The following SPPL2A variants were observed in gnomAD, a reference collection of about 807,000 sequenced individuals.
The protein encoded by SPPL2A is signal peptide peptidase like 2A.
A neutral mutation model predicts 63.8 loss-of-function variants in SPPL2A; 51 were observed. That is an observed-to-expected ratio of 0.80 (90% CI 0.64 to 1.01). The LOEUF (loss-of-function observed/expected upper bound fraction) is 1.01, where lower values mean the gene tolerates loss of function less well. SPPL2A is among the 50% of genes least tolerant of loss of function. The pLI, the probability that SPPL2A is intolerant of heterozygous loss-of-function variation, is 0.00. For synonymous variants in SPPL2A, 188 were observed against 205.8 expected, an observed-to-expected ratio of 0.91 and a Z score of 0.74; for missense variants, 553 against 622.7, an observed-to-expected ratio of 0.89 and a Z score of 1.19.
At position 50,705,456 on chromosome 15, in the gene SPPL2A, G is replaced by A. The variant is rs956854031; in HGVS notation, c.*2344C>T. ...TTAAATATAAAGCTTGGATGAGGGT[G>A]CAGATAATTTTACAAAACAGCTGTA... On this transcript the variant is annotated 3_prime_UTR_variant, in exon 15 of 15. Coordinates refer to ENST00000261854, the MANE Select transcript of SPPL2A (RefSeq NM_032802.4). 1.3e-5 allele frequency: 2 copies of A among 151,988 alleles called. No individual in the cohort carries two copies. The highest frequency in any genetic ancestry group is 2.4e-5 in the African/African-American group (1 of 41,364). 9.4% of individuals were successfully genotyped at this position (151,988 alleles called of 1,614,324 possible).
rs2062521071 is a variant in SPPL2A at position 50,707,659 on chromosome 15, T to C, written c.*141A>G. 1.7e-6 allele frequency: 1 copy of C among 580,842 alleles called. No individual in the cohort carries two copies. 36.0% of individuals were successfully genotyped at this position (580,842 alleles called of 1,614,324 possible). ...GCGTTTTAGTTATTTATGATGTAAC[T>C]GTCAGTACCAGCTCATAAAAATATA... On this transcript the variant is annotated 3_prime_UTR_variant, in exon 15 of 15. Coordinates refer to ENST00000261854, the MANE Select transcript of SPPL2A (RefSeq NM_032802.4).
In SPPL2A at chr15:50,702,271, T is replaced by C. The variant is rs2062482511; in HGVS notation, c.*5529A>G. Reference sequence around the variant, plus strand: ...CAAAATAAAACAAATTCAAATTTTATTTTAAAATAGAATTTATTGAATACC... The same window carrying C: ...CAAAATAAAACAAATTCAAATTTTACTTTAAAATAGAATTTATTGAATACC... On this transcript the variant is annotated 3_prime_UTR_variant, in exon 15 of 15. Coordinates refer to ENST00000261854, the MANE Select transcript of SPPL2A (RefSeq NM_032802.4). 1 of 152,186 alleles carries C rather than the reference T, an allele frequency of 6.6e-6. No individual in the cohort carries two copies. The highest frequency in any genetic ancestry group is 1.5e-5 in the Non-Finnish European group (1 of 68,030). The allele number at this position is 152,186 out of a possible 1,614,324, so 9.4% of individuals were successfully genotyped here.
intron 14 of SPPL2A, among the ~76,000 whole-genome samples, chr15:50,715,234 G>C (rs1381831797): frequency 6.6e-6 from 1 of 152,088 alleles, no homozygotes; most frequent in Non-Finnish European, 1.5e-5. Context: ...CTGATCTCAA[G>C]TGATCTACTA....
intron 5 of SPPL2A, among the ~76,000 whole-genome samples, chr15:50,743,481 G>A (rs973852493): frequency 2.0e-5 from 3 of 151,930 alleles, no homozygotes; most frequent in African/African-American, 7.2e-5. Flanking sequence ...GAGTAGCTAG[G>A]ACTATAGGTT....
rs1280958528 is a variant in SPPL2A, at chr15:50,731,942, A to AAAAAAAAC, written c.1014+660_1014+661insGTTTTTTT. On this transcript the variant is annotated intron_variant, in intron 9 of 14. Transcript: ENST00000261854. Reference sequence around the variant, plus strand: ...GACTCCATCTCAAAAAAAAAAAAAAAACCAAATAAATAAAAAAAAAAATAT... The same window carrying AAAAAAAAC: ...GACTCCATCTCAAAAAAAAAAAAAAAAAAAAAACACCAAATAAATAAAAAAAAAAATAT... 2.4e-5 allele frequency among the ~76,000 whole-genome samples: 3 copies of AAAAAAAAC among 124,144 alleles called. No homozygotes were observed. The East Asian group carries it at 7.4e-4, about 31-fold the overall frequency. 81.4% of individuals were successfully genotyped at this position (124,144 alleles called of 152,430 possible).
intron 1 of SPPL2A, among the ~76,000 whole-genome samples, chr15:50,763,684 G>A (rs2063032403): frequency 6.6e-6 from 1 of 152,248 alleles, no homozygotes; most frequent in East Asian, 1.9e-4. Context: ...GGATCACGAG[G>A]TCAGGAGTTC....
At chr15:50,733,268 G>A (rs2062744811) in intron 8 of SPPL2A, among the ~76,000 whole-genome samples, 1 of 152,108 alleles carries the variant, frequency 6.6e-6, no homozygotes, top group Admixed American at 6.6e-5. Flanking sequence ...CCTACCTGAA[G>A]CTGCATAAAG....
chr15:50,731,317 C>CG lies in SPPL2A; in HGVS notation c.1015-279dup, dbSNP rs1269024584. ...ATCCCAGCACTTTGGGAGACTGAGG[C>CG]GGGGCGGATCACGAGGTCAAGAGTT... is the stretch of plus-strand genomic sequence containing the variant. On this transcript the variant is annotated intron_variant, in intron 9 of 14. Transcript: ENST00000261854. Among the ~76,000 whole-genome samples the CG allele has an allele frequency of 3.3e-5, 5 of 150,804 alleles. 1 individual carries two copies. Among genetic ancestry groups the CG allele is most frequent in the South Asian group, 4.2e-4 (2 of 4,754 alleles).
intron 1 of SPPL2A, chr15:50,764,515 C>T (rs1412824832): frequency 1.3e-5 from 2 of 152,184 alleles, no homozygotes; most frequent in Non-Finnish European, 2.9e-5. Context: ...ACCCCTTAAA[C>T]TGGAGAGTCA....
intron 1 of SPPL2A, among the ~76,000 whole-genome samples, chr15:50,763,741 T>C (rs543824441): frequency 1.3e-5 from 2 of 151,828 alleles, no homozygotes; most frequent in African/African-American, 2.4e-5. Context: ...CTACTAAAAA[T>C]ACAAAAATTA....
intron 14 of SPPL2A, among the ~76,000 whole-genome samples, chr15:50,715,694 C>T (rs1353939763): frequency 6.6e-6 from 1 of 151,918 alleles, no homozygotes; most frequent in Non-Finnish European, 1.5e-5. Context: ...CAAATATGCA[C>T]TAATTTGTAA....
chr15:50,704,159 AT>A lies in SPPL2A; in HGVS notation c.*3640del, dbSNP rs1187947862. The A allele has an allele frequency of 6.6e-6, 1 of 151,986 alleles. No homozygotes were observed. Among genetic ancestry groups the A allele is most frequent in the African/African-American group, 2.4e-5 (1 of 41,366 alleles). 9.4% of individuals were successfully genotyped at this position (151,986 alleles called of 1,614,324 possible). A position where few individuals can be genotyped will look rare whatever the true frequency, so the allele number is the denominator to read the frequency against. ...GGAGTTCGAGACCAGCCTGATCAAC[AT>A]GGAGAAACCCCGTCTCTACTAAAAA... On this transcript the variant is annotated 3_prime_UTR_variant, in exon 15 of 15. Transcript: ENST00000261854.
chr15:50,728,655 T>A (rs5022760), intron 10 of SPPL2A, among the ~76,000 whole-genome samples: 44,992 of 149,790 alleles, frequency 0.3, 7,106 homozygotes, highest in East Asian at 0.56. Flanking sequence ...CAACAATTTC[T>A]TTTTTTGAAA....
At chr15:50,738,590 T>C (rs2062793430) in intron 6 of SPPL2A, among the ~76,000 whole-genome samples, 1 of 151,476 alleles carries the variant, frequency 6.6e-6, no homozygotes, top group South Asian at 2.1e-4. Flanking sequence ...TCCTAGGCCC[T>C]AGTTTTCTAG....
At chr15:50,748,300 T>C (rs1433125105) in intron 3 of SPPL2A, 98 bp from the exon 4 acceptor site, 5 of 512,966 alleles carry the variant, frequency 9.7e-6, no homozygotes, top group Non-Finnish European at 1.6e-5. Context: ...TTTCTTTAAG[T>C]TATAAGACAA....
At chr15:50,753,526 C>G (rs1300352938) in intron 1 of SPPL2A, among the ~76,000 whole-genome samples, 1 of 152,166 alleles carries the variant, frequency 6.6e-6, no homozygotes, top group Non-Finnish European at 1.5e-5. Flanking sequence ...GGTTATGTTA[C>G]AAGTTTTTTA....
chr15:50,723,667 G>T (rs2062664829), intron 12 of SPPL2A, among the ~76,000 whole-genome samples: 1 of 152,072 alleles, frequency 6.6e-6, no homozygotes, highest in South Asian at 2.1e-4. Flanking sequence ...GTAGAGATGG[G>T]GTTTCACCAT....
At chr15:50,726,520 T>C (rs2062689752) in intron 10 of SPPL2A, 143 bp from the exon 11 acceptor site, 4 of 724,472 alleles carry the variant, frequency 5.5e-6, no homozygotes, top group Non-Finnish European at 9.1e-6. Context: ...CTAAAGTCTT[T>C]GTAGATTGCA....
chr15:50,726,296 A>T, intron 11 of SPPL2A, 25 bp downstream of exon 11: 1 of 1,611,356 alleles, frequency 6.2e-7, no homozygotes, highest in Non-Finnish European at 8.5e-7. Flanking sequence ...CTGGATAGCC[A>T]TTTCTATTTC....
Sources: allele counts gnomAD v4.1 joint callset (sites outside exome capture counted in the v4.1 genomes callset), GRCh38; gene constraint gnomAD v4.1.1; transcripts MANE v1.5; gene names NCBI Gene and HGNC (gene_info 2026-07-23, HGNC 2026-07-21).